SYNJ2: variants seen among roughly 807,000 people sequenced by gnomAD.
SYNJ2 encodes the protein synaptojanin 2.
SYNJ2 carries 116 observed loss-of-function variants against 141.3 expected under a neutral mutation model. The ratio of observed to expected loss-of-function variants is 0.82; its 90% CI spans 0.71 to 0.96. SYNJ2 has a LOEUF of 0.96. SYNJ2 is among the 40% of genes least tolerant of loss of function. The pLI, the probability that SYNJ2 is intolerant of heterozygous loss-of-function variation, is 0.00. For missense variants in SYNJ2, 1,873 were observed against 1,934.8 expected (o/e 0.97, Z 0.60); for synonymous variants, 745 against 777.7 (o/e 0.96, Z 0.70).
In SYNJ2 at chr6:158,071,711, A is replaced by G. The variant is rs762568514; in HGVS notation, c.2050A>G (p.Ser684Gly). 4.3e-6 allele frequency: 7 copies of G among 1,613,958 alleles called. No homozygotes were observed. The highest frequency in any genetic ancestry group is 1.3e-5 in the African/African-American group (1 of 74,924). ...CAGCACCAGCTTCTGCTTCATATGT[A>G]GTCACCTGACGGCCGGGCAGTCCCA... The part of the protein sequence containing the change: ...FHSTSFCFIC[S>G]HLTAGQSQVK... Residue 684 changes from serine to glycine, a missense_variant, in exon 15 of 27, where the codon AGT becomes GGT. Transcript: ENST00000355585. This position sits in a 1 kb window ranked among gnomAD's most constrained non-coding sequence, Gnocchi z 4.3.
At chr6:158,065,068 A>G (rs1012297027) in intron 11 of SYNJ2, 77 bp downstream of exon 11, 12 of 1,445,762 alleles carry the variant, frequency 8.3e-6, no homozygotes, top group East Asian at 2.5e-5. Flanking sequence ...CCTCTGTGCT[A>G]TCCAGAGAGC....
At chr6:158,010,367 C>T (rs746225972) in intron 1 of SYNJ2, among the ~76,000 whole-genome samples, 4 of 152,200 alleles carry the variant, frequency 2.6e-5, no homozygotes, top group Non-Finnish European at 5.9e-5. Flanking sequence ...ACTCTGGAAC[C>T]GGCCTCCTGG....
rs899027536 is a variant in SYNJ2, at chr6:158,064,794, C to G, written c.1360-32C>G. The stretch of plus-strand genomic sequence containing the variant: ...GGCAGGGTGGGGGCCCCAGGGACCC[C>G]CCTCACGGCCTGCGGTCTGGGCTCT... On this transcript the variant is annotated intron_variant, in intron 10 of 26. Transcript: ENST00000355585. The G allele has an allele frequency of 2.5e-6, 4 of 1,610,800 alleles. No individual in the cohort carries two copies. In the East Asian group the frequency reaches 8.9e-5, roughly 36 times the overall value.
chr6:157,998,897 C>T (rs1583294429), intron 1 of SYNJ2, among the ~76,000 whole-genome samples: 1 of 152,154 alleles, frequency 6.6e-6, no homozygotes, highest in Admixed American at 6.5e-5. Flanking sequence ...CATCCCAGGC[C>T]CCTGCCTCCC....
At chr6:157,984,490 C>T (rs567799500) in intron 1 of SYNJ2, among the ~76,000 whole-genome samples, 2 of 152,198 alleles carry the variant, frequency 1.3e-5, no homozygotes, top group East Asian at 3.9e-4. Flanking sequence ...CACCGCCACC[C>T]CCACCTGGGT....
Position 158,096,351 on chromosome 6 carries a change from T to C in SYNJ2, c.4478T>C (p.Leu1493Pro). ...KRTALQVFDPLAKT is the reference protein window; with the variant it reads ...KRTALQVFDPPAKT ...ACAGCACTGCAGGTGTTTGACCCAC[T>C]GGCAAAAACATGACTGAGCAGCTTT... The change falls in exon 27 of 27, where the codon CTG (leucine) becomes CCG (proline). Residue 1493 changes from leucine to proline, a missense_variant. Transcript: ENST00000355585. The C allele has an allele frequency of 6.2e-7, 1 of 1,605,082 alleles. No homozygotes were observed. The highest frequency in any genetic ancestry group is 8.5e-7 in the Non-Finnish European group (1 of 1,176,948).
chr6:157,992,425 C>CT lies in SYNJ2; in HGVS notation c.127+10345dup, dbSNP rs1417213254. Among the ~76,000 whole-genome samples the CT allele has an allele frequency of 2.7e-3, 230 of 86,168 alleles. 5 individuals are homozygous for CT. Among genetic ancestry groups the CT allele is most frequent in the African/African-American group, 7.9e-3 (201 of 25,340 alleles). 56.5% of individuals were successfully genotyped at this position (86,168 alleles called of 152,430 possible). A position where few individuals can be genotyped will look rare whatever the true frequency, so the allele number is the denominator to read the frequency against. On this transcript the variant is annotated intron_variant, in intron 1 of 26. Coordinates refer to ENST00000355585, the MANE Select transcript of SYNJ2 (RefSeq NM_003898.4). ...TCTTTTTTTTTTTTTTTTTTTTTTCCTTTTTTTTGAGACAGAGTCTTGCTC... is the reference window on the plus strand; with the variant it reads ...TCTTTTTTTTTTTTTTTTTTTTTTCCTTTTTTTTTGAGACAGAGTCTTGCTC...
chr6:158,076,076 T>A (rs940067906), intron 16 of SYNJ2, among the ~76,000 whole-genome samples: 1 of 152,092 alleles, frequency 6.6e-6, no homozygotes, highest in African/African-American at 2.4e-5. Context: ...TAGTCCCAGC[T>A]ACTTGGGAGG....
At chr6:158,030,330 T>C (rs1035920431) in intron 3 of SYNJ2, 9 of 152,698 alleles carry the variant, frequency 5.9e-5, no homozygotes, top group African/African-American at 2.2e-4. Context: ...CTTTTGAAGC[T>C]ATATCAGTTT....
At chr6:158,057,451 G>C (rs1780937792) in intron 6 of SYNJ2, among the ~76,000 whole-genome samples, 1 of 152,192 alleles carries the variant, frequency 6.6e-6, no homozygotes, top group Non-Finnish European at 1.5e-5. Flanking sequence ...CACACACCAA[G>C]CACTGTCCTT....
chr6:158,062,955 T>C (rs953897154), intron 8 of SYNJ2, among the ~76,000 whole-genome samples: 2 of 152,190 alleles, frequency 1.3e-5, no homozygotes, highest in African/African-American at 4.8e-5. Context: ...ATGTGCTTTA[T>C]GGAGAAAATG....
intron 1 of SYNJ2, among the ~76,000 whole-genome samples, chr6:157,990,851 C>A (rs1777397799): frequency 1.3e-5 from 2 of 152,142 alleles, no homozygotes; most frequent in African/African-American, 4.8e-5. Flanking sequence ...TCCAGTGATA[C>A]CACCTCCAAA....
chr6:158,054,937 A>G (rs1432503036), intron 5 of SYNJ2, 30 bp from the exon 6 acceptor site: 2 of 1,612,480 alleles, frequency 1.2e-6, no homozygotes, highest in Admixed American at 3.3e-5. Context: ...GAGAAGGAAG[A>G]ATCACTGTTG....
intron 4 of SYNJ2, among the ~76,000 whole-genome samples, chr6:158,034,753 A>T (rs543689514): frequency 6.6e-6 from 1 of 152,284 alleles, no homozygotes; most frequent in South Asian, 2.1e-4. Context: ...GAAGTCTTTG[A>T]CTGTTCCTAT....
chr6:158,050,767 C>G (rs1780524406), intron 5 of SYNJ2, among the ~76,000 whole-genome samples: 1 of 152,172 alleles, frequency 6.6e-6, no homozygotes, highest in Non-Finnish European at 1.5e-5. Flanking sequence ...TGCCTGTTCC[C>G]TGGACTCAAG....
intron 1 of SYNJ2, among the ~76,000 whole-genome samples, chr6:157,985,955 G>A (rs535555785): frequency 1.3e-5 from 2 of 152,316 alleles, no homozygotes; most frequent in Admixed American, 6.5e-5. Flanking sequence ...GCTGTTGTGC[G>A]AGGCCACGTC....
chr6:158,004,106 C>T (rs569606279), intron 1 of SYNJ2, among the ~76,000 whole-genome samples: 17 of 152,196 alleles, frequency 1.1e-4, no homozygotes, highest in Non-Finnish European at 2.1e-4. Flanking sequence ...ATTACCTTGC[C>T]GAAAGGGAAC....
At position 158,043,312 on chromosome 6, in the gene SYNJ2, G is replaced by A. The variant is rs368232595; in HGVS notation, c.712-4G>A. 65 of 1,613,104 alleles carry A rather than the reference G, an allele frequency of 4.0e-5. No individual in the cohort carries two copies. The highest frequency in any genetic ancestry group is 1.0e-4 in the Admixed American group (6 of 59,982). On this transcript the variant is annotated splice_polypyrimidine_tract_variant and splice_region_variant and intron_variant, in intron 4 of 26. Transcript: ENST00000355585. This position sits in a 1 kb window ranked among gnomAD's most constrained non-coding sequence, Gnocchi z 4.0. ...CTTTCCCTTTCTGTTTCCTTGTGCC[G>A]CAGATGATTTACATGGACGATGGAG...
intron 10 of SYNJ2, 29 bp from the exon 11 acceptor site, chr6:158,064,796 CT>C (rs765130217): frequency 1.2e-6 from 2 of 1,610,744 alleles, no homozygotes; most frequent in East Asian, 4.5e-5. Flanking sequence ...AGGGACCCCC[CT>C]CACGGCCTGC....
Sources: allele counts gnomAD v4.1 joint callset (sites outside exome capture counted in the v4.1 genomes callset), GRCh38; gene constraint gnomAD v4.1.1; non-coding constraint Gnocchi (gnomAD v3.1); transcripts MANE v1.5; gene names NCBI Gene and HGNC (gene_info 2026-07-23, HGNC 2026-07-21).